The following ATP8A2 variants were observed in gnomAD, a reference collection of about 807,000 sequenced individuals.
ATP8A2 encodes ATPase phospholipid transporting 8A2.
Under a neutral mutation model 165.6 loss-of-function variants are expected in ATP8A2, and 100 were observed. The observed-to-expected ratio is 0.60, with a 90% CI of 0.51 to 0.71. The LOEUF is 0.71. Among genes scored for constraint, ATP8A2 ranks in the 30% least tolerant of loss-of-function variants. The pLI is 0.00. For synonymous variants in ATP8A2, 543 were observed against 548.8 expected, an observed-to-expected ratio of 0.99 and a Z score of 0.15; for missense variants, 1,227 against 1,479.5, an observed-to-expected ratio of 0.83 and a Z score of 2.80.
chr13:25,807,723 C>A (rs1435395492), intron 27 of ATP8A2, among the ~76,000 whole-genome samples: 2 of 152,104 alleles, frequency 1.3e-5, no homozygotes, highest in Admixed American at 6.6e-5. Flanking sequence ...CATTTAATTC[C>A]TTTACAACAG....
chr13:25,835,830 C>T (rs563362777), intron 28 of ATP8A2, among the ~76,000 whole-genome samples: 1 of 152,252 alleles, frequency 6.6e-6, no homozygotes, highest in Non-Finnish European at 1.5e-5. Context: ...CCTTACACCG[C>T]ACCCTCAGCC....
intron 35 of ATP8A2, among the ~76,000 whole-genome samples, chr13:25,976,279 AT>A (rs1185467728): frequency 1.3e-5 from 2 of 151,948 alleles, no homozygotes; most frequent in African/African-American, 4.8e-5. Context: ...GCTCCACTTT[AT>A]TTTTTTATCA....
intron 33 of ATP8A2, among the ~76,000 whole-genome samples, chr13:25,888,179 C>A (rs748231992): frequency 1.3e-5 from 2 of 148,700 alleles, no homozygotes; most frequent in African/African-American, 2.5e-5. Context: ...GGTTCATGAT[C>A]GCTCTGTAAG....
At chr13:25,775,082 T>C in intron 27 of ATP8A2, 123 bp downstream of exon 27, 1 of 607,892 alleles carries the variant, frequency 1.6e-6, no homozygotes, top group Admixed American at 3.1e-5. Flanking sequence ...GCTGTGACTT[T>C]CTACAGCCTG....
intron 27 of ATP8A2, among the ~76,000 whole-genome samples, chr13:25,805,752 G>T (rs753323552): frequency 6.6e-6 from 1 of 152,242 alleles, no homozygotes; most frequent in East Asian, 1.9e-4. Flanking sequence ...TTTTGAAACC[G>T]TGGAAATATT....
intron 1 of ATP8A2, among the ~76,000 whole-genome samples, chr13:25,373,665 C>T (rs907187267): frequency 6.6e-6 from 1 of 152,148 alleles, no homozygotes. Flanking sequence ...GTCTGAGACA[C>T]CGGAAGAATG....
At chr13:25,512,739 C>T (rs1390747757) in intron 2 of ATP8A2, among the ~76,000 whole-genome samples, 1 of 139,974 alleles carries the variant, frequency 7.1e-6, no homozygotes, top group Non-Finnish European at 1.6e-5. Context: ...GGGGGCTGAC[C>T]CCCCCCACCT....
rs369413632 is a variant in ATP8A2 at position 25,743,027 on chromosome 13, C to T, written c.2385-26019C>T. Reference sequence around the variant, plus strand: ...AAAATTCTTATGTCAAAGTCCTAACCTGCTAGTACCTCAGCATGTGTGCTT... The same window carrying T: ...AAAATTCTTATGTCAAAGTCCTAACTTGCTAGTACCTCAGCATGTGTGCTT... On this transcript the variant is annotated intron_variant, in intron 25 of 36. Transcript: ENST00000381655. Among the ~76,000 whole-genome samples, 22 of 152,200 alleles carry T rather than the reference C, an allele frequency of 1.4e-4. 1 individual carries two copies. In the South Asian group the frequency reaches 3.3e-3, roughly 23 times the overall value.
At chr13:25,836,166 T>TTTTGTTTGTTTGTTTG (rs149756647) in intron 28 of ATP8A2, among the ~76,000 whole-genome samples, 1 of 150,518 alleles carries the variant, frequency 6.6e-6, no homozygotes, top group Non-Finnish European at 1.5e-5. Context: ...ATCTCCTGTT[T>TTTTGTTTGTTTGTTTG]TTTGTTTGTT....
intron 25 of ATP8A2, among the ~76,000 whole-genome samples, chr13:25,733,252 G>A (rs754182047): frequency 2.0e-5 from 3 of 152,050 alleles, no homozygotes; most frequent in Non-Finnish European, 2.9e-5. Context: ...ATTTTTTTGA[G>A]CAAAGAGGGG....
intron 1 of ATP8A2, among the ~76,000 whole-genome samples, chr13:25,439,611 T>C (rs186927904): frequency 6.6e-6 from 1 of 152,262 alleles, no homozygotes; most frequent in East Asian, 1.9e-4. Context: ...ATATGTTTTC[T>C]ATGTAAATGT....
At chr13:25,522,089 T>G (rs143018819) in intron 2 of ATP8A2, among the ~76,000 whole-genome samples, 1 of 152,334 alleles carries the variant, frequency 6.6e-6, no homozygotes, top group East Asian at 1.9e-4. Flanking sequence ...ATATTAATTC[T>G]AATCCATGAG....
At chr13:25,898,760 C>T (rs1348144337) in intron 33 of ATP8A2, among the ~76,000 whole-genome samples, 1 of 152,222 alleles carries the variant, frequency 6.6e-6, no homozygotes, top group Non-Finnish European at 1.5e-5. Flanking sequence ...TCGCTGCCGC[C>T]TTGCAGTTTG....
chr13:25,883,179 C>T (rs1953036808), intron 33 of ATP8A2, among the ~76,000 whole-genome samples: 1 of 152,134 alleles, frequency 6.6e-6, no homozygotes, highest in Admixed American at 6.6e-5. Flanking sequence ...AGCTCCCCTG[C>T]TGTCTCACTC....
At chr13:25,891,369 C>T (rs1953354751) in intron 33 of ATP8A2, among the ~76,000 whole-genome samples, 1 of 152,190 alleles carries the variant, frequency 6.6e-6, no homozygotes, top group African/African-American at 2.4e-5. Context: ...GTCGCCCAGG[C>T]TGGAGTGCAA....
At chr13:25,572,123 A>ATC (rs10552616) in intron 18 of ATP8A2, among the ~76,000 whole-genome samples, 2,743 of 149,548 alleles carry the variant, frequency 0.018, 37 homozygotes, top group Non-Finnish European at 0.026. Context: ...CAGCGTTAAG[A>ATC]TCTCTCTCTC....
At chr13:26,013,928 A>T (rs1322998145) in intron 36 of ATP8A2, among the ~76,000 whole-genome samples, 1 of 152,166 alleles carries the variant, frequency 6.6e-6, no homozygotes, top group Admixed American at 6.5e-5. Context: ...CTGTCCTTTA[A>T]TGCTCCACTG....
At chr13:25,434,352 T>C (rs923315847) in intron 1 of ATP8A2, among the ~76,000 whole-genome samples, 2 of 151,700 alleles carry the variant, frequency 1.3e-5, no homozygotes, top group African/African-American at 4.8e-5. Flanking sequence ...TTCTCTCTCT[T>C]TTTTTTTGTT....
At chr13:25,376,119 A>AC (rs1269243196) in intron 1 of ATP8A2, among the ~76,000 whole-genome samples, 1 of 151,510 alleles carries the variant, frequency 6.6e-6, no homozygotes, top group Non-Finnish European at 1.5e-5. Flanking sequence ...CAAATGAAAA[A>AC]AAAATTCGGA....
Sources: allele counts gnomAD v4.1 joint callset (sites outside exome capture counted in the v4.1 genomes callset), GRCh38; gene constraint gnomAD v4.1.1; transcripts MANE v1.5; gene names NCBI Gene and HGNC (gene_info 2026-07-23, HGNC 2026-07-21).